The following DIS3L2 variants were observed in gnomAD, a reference collection of about 807,000 sequenced individuals.
The protein encoded by DIS3L2 is DIS3-like exonuclease 2.
A neutral mutation model predicts 97.5 loss-of-function variants in DIS3L2; 34 were observed. The ratio of observed to expected loss-of-function variants is 0.35; its 90% CI spans 0.27 to 0.46. The LOEUF is 0.46. Among genes scored for constraint, DIS3L2 ranks in the 20% least tolerant of loss-of-function variants. The pLI is 1.00. For missense variants in DIS3L2, 1,038 were observed against 1,146.0 expected, an observed-to-expected ratio of 0.91 and a Z score of 1.36; for synonymous variants, 435 against 445.2, an observed-to-expected ratio of 0.98 and a Z score of 0.29.
rs564091957 is a variant in DIS3L2 at position 231,975,683 on chromosome 2, C to G, written c.-94+13918C>G. 4.1e-4 allele frequency among the ~76,000 whole-genome samples: 50 copies of G among 120,898 alleles called. 1 individual carries two copies. Among genetic ancestry groups the G allele is most frequent in the African/African-American group, 1.5e-3 (45 of 30,354 alleles). The allele number at this position is 120,898 out of a possible 152,430, so 79.3% of individuals were successfully genotyped here. A position where few individuals can be genotyped will look rare whatever the true frequency, so the allele number is the denominator to read the frequency against. The stretch of plus-strand genomic sequence containing the variant: ...TTGCGCCACTGCACTGCAGCCTGGG[C>G]GACAGAGCGAGACTCCGCCTCAAAA... On this transcript the variant is annotated intron_variant, in intron 1 of 20. Transcript: ENST00000325385.
chr2:232,241,058 A>G (rs994616514), intron 11 of DIS3L2, among the ~76,000 whole-genome samples: 10 of 152,196 alleles, frequency 6.6e-5, no homozygotes, highest in African/African-American at 2.4e-4. Flanking sequence ...GCTGCCCGGC[A>G]CTGCCTCCAG....
chr2:232,186,629 A>G (rs1221841590), intron 9 of DIS3L2, among the ~76,000 whole-genome samples: 1 of 152,240 alleles, frequency 6.6e-6, no homozygotes. Context: ...TCCTGAGCTC[A>G]GATGCAGAAG....
In DIS3L2 at chr2:231,981,637, T is replaced by A. The variant is rs1479263234; in HGVS notation, c.-94+19872T>A. Among the ~76,000 whole-genome samples, 8 of 133,968 alleles carry A rather than the reference T, an allele frequency of 6.0e-5. No individual in the cohort carries two copies. The South Asian group carries it at 9.4e-4, about 16-fold the overall frequency. 87.9% of individuals were successfully genotyped at this position (133,968 alleles called of 152,430 possible). The stretch of plus-strand genomic sequence containing the variant: ...ATATATATATATATATATATATATA[T>A]GAGACATATTTACATATTATATATC... On this transcript the variant is annotated intron_variant, in intron 1 of 20. Transcript: ENST00000325385.
At chr2:231,966,170 T>TA (rs1553593864) in intron 1 of DIS3L2, among the ~76,000 whole-genome samples, 2 of 119,668 alleles carry the variant, frequency 1.7e-5, no homozygotes, top group African/African-American at 9.7e-5. Context: ...TTCTTCTTCT[T>TA]CTTTTTTTTT....
rs1292102739 is a variant in DIS3L2 at position 232,334,640 on chromosome 2, C to T, written c.2299C>T (p.Pro767Ser). 1.2e-6 allele frequency: 2 copies of T among 1,608,112 alleles called. No homozygotes were observed. The highest frequency in any genetic ancestry group is 2.2e-5 in the South Asian group (2 of 90,184). ...FFAVLVKESG[P>S]LESEAMVMGI... ...AGCACTGTCCCTGCAGGAGAGTGGC[C>T]CCCTGGAGTCAGAAGCCATGGTGAT... Residue 767 changes from proline (P) to serine (S), a missense_variant, in exon 19 of 21, where the codon CCC becomes TCC. Physicochemically the swap from Pro to Ser is moderately conservative, Grantham distance 74 (BLOSUM62 -1). Coordinates refer to ENST00000325385, the MANE Select transcript of DIS3L2 (RefSeq NM_152383.5).
At chr2:232,330,545 C>T (rs1695704968) in intron 15 of DIS3L2, 145 bp from the exon 16 acceptor site, 1 of 845,610 alleles carries the variant, frequency 1.2e-6, no homozygotes, top group Non-Finnish European at 1.9e-6. Context: ...CCCCTCTCCC[C>T]ACCCATCCCC....
In DIS3L2 at chr2:232,238,489, T is replaced by C. The variant is rs752866306; in HGVS notation, c.1205-44T>C. On this transcript the variant is annotated intron_variant, in intron 10 of 20. Transcript: ENST00000325385. ...AAAGGACTCCTGGGAGAGAATGCTGTGGCCTTCCACGCCAGCCTGATAGTC... is the reference window on the plus strand; with the variant it reads ...AAAGGACTCCTGGGAGAGAATGCTGCGGCCTTCCACGCCAGCCTGATAGTC... 18 of 1,535,268 alleles carry C rather than the reference T, an allele frequency of 1.2e-5. No individual in the cohort carries two copies. In the East Asian group the frequency reaches 4.0e-4, roughly 35 times the overall value.
intron 11 of DIS3L2, among the ~76,000 whole-genome samples, chr2:232,242,827 G>T (rs1693136777): frequency 6.6e-6 from 1 of 152,160 alleles, no homozygotes; most frequent in Non-Finnish European, 1.5e-5. Context: ...TTTGGTCCTG[G>T]CCCCAAAGCA....
intron 13 of DIS3L2, among the ~76,000 whole-genome samples, chr2:232,265,725 A>C (rs1191508669): frequency 3.9e-5 from 6 of 152,252 alleles, no homozygotes; most frequent in Non-Finnish European, 8.8e-5. Flanking sequence ...TTAAAAATTC[A>C]GTTGTAAAAC....
intron 5 of DIS3L2, 143 bp downstream of exon 5, chr2:232,030,223 T>G: frequency 1.5e-6 from 1 of 674,048 alleles, no homozygotes; most frequent in Non-Finnish European, 2.5e-6. Flanking sequence ...GGAAGCATGC[T>G]ACCGAATGCT....
chr2:232,137,578 G>T (rs1417868776), intron 8 of DIS3L2, among the ~76,000 whole-genome samples: 2 of 152,174 alleles, frequency 1.3e-5, no homozygotes, highest in Non-Finnish European at 2.9e-5. Flanking sequence ...AATGTCCTAT[G>T]GGTAGGAGAG....
intron 8 of DIS3L2, among the ~76,000 whole-genome samples, chr2:232,138,944 T>G (rs1442083538): frequency 6.6e-6 from 1 of 152,216 alleles, no homozygotes; most frequent in African/African-American, 2.4e-5. Flanking sequence ...AGGCTGGTTT[T>G]GATCCAACTA....
intron 5 of DIS3L2, among the ~76,000 whole-genome samples, chr2:232,077,932 T>C (rs1255697156): frequency 6.6e-6 from 1 of 151,590 alleles, no homozygotes; most frequent in Non-Finnish European, 1.5e-5. Flanking sequence ...GTATTTTCTT[T>C]CTTTCTTTCT....
At chr2:232,145,905 C>T (rs55696390) in intron 8 of DIS3L2, among the ~76,000 whole-genome samples, 1,817 of 152,006 alleles carry the variant, frequency 0.012, 17 homozygotes, top group Non-Finnish European at 0.018. Flanking sequence ...TATGGATGAT[C>T]CCCCCCATCT....
intron 14 of DIS3L2, among the ~76,000 whole-genome samples, chr2:232,302,136 A>G (rs1364142097): frequency 3.4e-5 from 5 of 149,226 alleles, no homozygotes; most frequent in Non-Finnish European, 7.4e-5. Flanking sequence ...GCCATGATCT[A>G]GAAAAGTATG....
intron 14 of DIS3L2, among the ~76,000 whole-genome samples, chr2:232,322,861 C>A (rs1292474250): frequency 6.6e-6 from 1 of 152,200 alleles, no homozygotes; most frequent in Admixed American, 6.5e-5. Flanking sequence ...GAAGTCGATG[C>A]CTTCTTAAGT....
At chr2:232,085,549 G>A (rs1444255537) in intron 5 of DIS3L2, among the ~76,000 whole-genome samples, 1 of 152,142 alleles carries the variant, frequency 6.6e-6, no homozygotes, top group African/African-American at 2.4e-5. Context: ...TTAATTATAT[G>A]TTTAAATTGA....
chr2:232,087,999 G>A (rs958584890), intron 6 of DIS3L2, among the ~76,000 whole-genome samples: 8 of 152,200 alleles, frequency 5.3e-5, no homozygotes, highest in African/African-American at 1.9e-4. Context: ...CATCTCTTGC[G>A]ATAGGCGCAA....
At chr2:232,122,856 TG>T (rs1697949848) in intron 6 of DIS3L2, among the ~76,000 whole-genome samples, 1 of 152,320 alleles carries the variant, frequency 6.6e-6, no homozygotes, top group Admixed American at 6.5e-5. Context: ...CTATTTCCAG[TG>T]GGCAAAGGAG....
Sources: gnomAD v4.1 joint callset for allele counts (sites outside exome capture counted in the v4.1 genomes callset) on GRCh38, gnomAD v4.1.1 for gene constraint, MANE v1.5 for transcripts, NCBI Gene and HGNC (gene_info 2026-07-23, HGNC 2026-07-21) for gene names.